Variants in FLYWCH1 observed in about 807,000 individuals in gnomAD.
FLYWCH1 encodes the protein FLYWCH-type zinc finger-containing protein 1.
Under a neutral mutation model 66.4 loss-of-function variants are expected in FLYWCH1, and 75 were observed. The observed-to-expected ratio is 1.13, with a 90% CI of 0.94 to 1.37. The LOEUF (loss-of-function observed/expected upper bound fraction) is 1.37, where lower values mean the gene tolerates loss of function less well. Ranked by LOEUF, FLYWCH1 falls within the 40% of genes most tolerant of loss-of-function variation. The pLI, the probability that FLYWCH1 is intolerant of heterozygous loss-of-function variation, is 0.00. For synonymous variants in FLYWCH1, 595 were observed against 429.9 expected (o/e 1.38, Z -4.75); for missense variants, 1,334 against 1,001.8 (o/e 1.33, Z -4.48).
rs749763317 is a variant in FLYWCH1, at chr16:2,931,809, G to A, written c.796+929G>A. ...ATAGTGAAACCCTGTCTCTACTAAA[G>A]ATACAAAAAACTAGCCTGGCGAGGC... On this transcript the variant is annotated intron_variant, in intron 4 of 9. Transcript: ENST00000253928. 3.3e-5 allele frequency among the ~76,000 whole-genome samples: 5 copies of A among 151,150 alleles called. No individual in the cohort carries two copies. The South Asian group carries it at 1.0e-3, about 32-fold the overall frequency.
At position 2,949,352 on chromosome 16, in the gene FLYWCH1, C is replaced by G. The variant is rs2071609266; in HGVS notation, c.*625C>G. 1 of 152,502 alleles carries G rather than the reference C, an allele frequency of 6.6e-6. No individual in the cohort carries two copies. The highest frequency in any genetic ancestry group is 2.1e-4 in the South Asian group (1 of 4,836). The allele number at this position is 152,502 out of a possible 1,614,324, so 9.4% of individuals were successfully genotyped here. On this transcript the variant is annotated 3_prime_UTR_variant, in exon 10 of 10. Coordinates refer to ENST00000253928, the MANE Select transcript of FLYWCH1 (RefSeq NM_001308068.2). ...CACACTTTCCTTTCTGTGCTCCTTC[C>G]AAGTTAAATTAAACCCCCTCTCCAC...
chr16:2,936,837 G>T (rs1378279096), intron 6 of FLYWCH1: 1 of 615,570 alleles, frequency 1.6e-6, no homozygotes, highest in Non-Finnish European at 3.0e-6. Context: ...GGGGACGGAC[G>T]AGTGACGCAG....
intron 7 of FLYWCH1, 55 bp downstream of exon 7, chr16:2,937,439 C>T: frequency 1.4e-6 from 2 of 1,474,644 alleles, no homozygotes. Context: ...ACCTGTGCCC[C>T]ACACGCTGGC....
intron 9 of FLYWCH1, among the ~76,000 whole-genome samples, chr16:2,947,851 A>G (rs1161625951): frequency 1.3e-5 from 2 of 151,600 alleles, no homozygotes; most frequent in African/African-American, 2.4e-5. Context: ...TGAGCAACAC[A>G]GGGAGAACCC....
chr16:2,942,100 A>C (rs2071291353), intron 9 of FLYWCH1, among the ~76,000 whole-genome samples: 2 of 152,088 alleles, frequency 1.3e-5, no homozygotes, highest in Admixed American at 1.3e-4. Flanking sequence ...AAATTGACAA[A>C]TATTTAGCTC....
In FLYWCH1 at chr16:2,938,259, G is replaced by A. The variant is rs1358961065; in HGVS notation, c.1853G>A (p.Arg618Lys). Residue 618 changes from arginine (R) to lysine (K), a missense_variant, in exon 8 of 10, where the codon AGG (arginine) becomes AAG (lysine). Physicochemically the swap from Arg to Lys is conservative, Grantham distance 26. Transcript: ENST00000253928. Reference protein sequence around the residue: ...RFLVHESFLYRKEKAAGEKVY... With the variant: ...RFLVHESFLYKKEKAAGEKVY... ...CTGGTGCACGAGTCCTTCCTCTACA[G>A]GAAGGAGAAGGCGGCTGGGGAGAAG... The A allele has an allele frequency of 1.2e-6, 2 of 1,613,196 alleles. No homozygotes were observed. Among genetic ancestry groups the A allele is most frequent in the South Asian group, 1.1e-5 (1 of 91,042 alleles).
chr16:2,943,255 AGCTCGAG>A (rs901539405), intron 9 of FLYWCH1: 5 of 152,110 alleles, frequency 3.3e-5, no homozygotes, highest in African/African-American at 1.2e-4. Flanking sequence ...CACATGTCAC[AGCTCGAG>A]GCTGGAGGAT....
chr16:2,944,086 A>T (rs1480354990), intron 9 of FLYWCH1, among the ~76,000 whole-genome samples: 1 of 151,868 alleles, frequency 6.6e-6, no homozygotes, highest in Non-Finnish European at 1.5e-5. Flanking sequence ...ACGGAGAGAG[A>T]ACCTGTCTCA....
chr16:2,935,363 T>TGTGTG, intron 6 of FLYWCH1: 1 of 152,434 alleles, frequency 6.6e-6, no homozygotes, highest in Non-Finnish European at 1.5e-5. Flanking sequence ...TGTGTCCAGG[T>TGTGTG]CGACCCCACC....
Position 2,933,097 on chromosome 16 carries a change from CT to C in FLYWCH1, c.797-32del, listed in dbSNP as rs375938475. Reference sequence around the variant, plus strand: ...GTCCCTCCTGGGCTCCTCTCCACCCCTGGTGATGTGACCACTTGGGTCTCTC... The same window carrying C: ...GTCCCTCCTGGGCTCCTCTCCACCCCGGTGATGTGACCACTTGGGTCTCTC... On this transcript the variant is annotated intron_variant, in intron 4 of 9. Transcript: ENST00000253928. 4.2e-4 allele frequency: 671 copies of C among 1,589,022 alleles called. 3 individuals carry two copies. The African/African-American group carries it at 7.1e-3, about 17-fold the overall frequency.
intron 2 of FLYWCH1, among the ~76,000 whole-genome samples, chr16:2,928,378 G>A (rs536133745): frequency 1.3e-5 from 2 of 152,284 alleles, no homozygotes; most frequent in Admixed American, 6.5e-5. Context: ...CTGTCTCAGT[G>A]GGGGGAAACC....
intron 2 of FLYWCH1, among the ~76,000 whole-genome samples, chr16:2,917,384 G>C (rs532697614): frequency 1.8e-3 from 269 of 149,718 alleles, no homozygotes; most frequent in African/African-American, 6.2e-3. Flanking sequence ...CGCCCACCAC[G>C]ACGCCCAGCT....
intron 6 of FLYWCH1, chr16:2,936,667 C>A (rs902799560): frequency 2.2e-6 from 1 of 460,478 alleles, no homozygotes; most frequent in Non-Finnish European, 4.4e-6. Flanking sequence ...CCTGCCTCTT[C>A]CTCAGAGTCC....
At chr16:2,939,263 T>G (rs890049425) in intron 8 of FLYWCH1, among the ~76,000 whole-genome samples, 11 of 152,194 alleles carry the variant, frequency 7.2e-5, no homozygotes, top group African/African-American at 2.6e-4. Context: ...CTGATCAACA[T>G]GGAGAAACCC....
chr16:2,920,500 A>C (rs1468214), intron 2 of FLYWCH1, among the ~76,000 whole-genome samples: 69,315 of 150,080 alleles, frequency 0.46, 16,100 homozygotes, highest in South Asian at 0.49. Flanking sequence ...GGTGGCCGTG[A>C]GACTCTGTCT....
chr16:2,950,164 C>A lies in FLYWCH1; in HGVS notation c.*1437C>A, dbSNP rs1287227752. 2 of 152,334 alleles carry A rather than the reference C, an allele frequency of 1.3e-5. No homozygotes were observed. Among genetic ancestry groups the A allele is most frequent in the Non-Finnish European group, 2.9e-5 (2 of 68,108 alleles). The allele number at this position is 152,334 out of a possible 1,614,324, so 9.4% of individuals were successfully genotyped here. A position where few individuals can be genotyped will look rare whatever the true frequency, so the allele number is the denominator to read the frequency against. ...GCATAAGCCTGGGCAAGTGGCACCC[C>A]TGGGCCAAGGGCAGACTTGCCCACC... On this transcript the variant is annotated 3_prime_UTR_variant, in exon 10 of 10. Coordinates refer to ENST00000253928, the MANE Select transcript of FLYWCH1 (RefSeq NM_001308068.2).
At chr16:2,916,175 C>T (rs1463919262) in intron 2 of FLYWCH1, among the ~76,000 whole-genome samples, 7 of 152,116 alleles carry the variant, frequency 4.6e-5, no homozygotes, top group Non-Finnish European at 8.8e-5. Flanking sequence ...GATGAAACCT[C>T]ATCTCTACTA....
Position 2,929,850 on chromosome 16 carries a change from G to A in FLYWCH1, c.165G>A (p.Val55=). The change falls in exon 3 of 10, where the codon GTG becomes GTA. Residue 55 remains valine (V), a synonymous_variant. Coordinates refer to ENST00000253928, the MANE Select transcript of FLYWCH1 (RefSeq NM_001308068.2). The part of the protein sequence containing the change: ...LTASDQDEDG[V]GSKPQEVHCV... Reference sequence around the variant, plus strand: ...CCTCCGACCAAGATGAGGATGGGGTGGGATCCAAGCCCCAGGAAGTGCACT... The same window carrying A: ...CCTCCGACCAAGATGAGGATGGGGTAGGATCCAAGCCCCAGGAAGTGCACT... 2 of 1,613,990 alleles carry A rather than the reference G, an allele frequency of 1.2e-6. No individual in the cohort carries two copies. The highest frequency in any genetic ancestry group is 1.1e-5 in the South Asian group (1 of 91,082).
At chr16:2,924,738 C>G (rs1326319142) in intron 2 of FLYWCH1, among the ~76,000 whole-genome samples, 1 of 152,140 alleles carries the variant, frequency 6.6e-6, no homozygotes, top group Non-Finnish European at 1.5e-5. Flanking sequence ...CTTTAACGGG[C>G]GGAGTGGCGG....
Sources: gnomAD v4.1 joint callset for allele counts (sites outside exome capture counted in the v4.1 genomes callset) on GRCh38, gnomAD v4.1.1 for gene constraint, MANE v1.5 for transcripts, NCBI Gene and HGNC (gene_info 2026-07-23, HGNC 2026-07-21) for gene names.